NRXN2: variants seen among roughly 807,000 people sequenced by gnomAD.
NRXN2 encodes neurexin 2, also known as neurexin-2-beta.
Under a neutral mutation model 128.8 loss-of-function variants are expected in NRXN2, and 29 were observed. The ratio of observed to expected loss-of-function variants is 0.23; its 90% CI spans 0.17 to 0.31. The LOEUF is 0.31. NRXN2 is among the 10% of genes least tolerant of loss of function. The pLI, the probability that NRXN2 is intolerant of heterozygous loss-of-function variation, is 1.00. For missense variants in NRXN2, 1,881 were observed against 2,452.6 expected, an observed-to-expected ratio of 0.77 and a Z score of 4.92; for synonymous variants, 1,098 against 1,075.2, an observed-to-expected ratio of 1.02 and a Z score of -0.41.
chr11:64,637,925 G>A (rs1262540367), intron 17 of NRXN2, among the ~76,000 whole-genome samples: 1 of 152,216 alleles, frequency 6.6e-6, no homozygotes, highest in African/African-American at 2.4e-5. Flanking sequence ...TGAGGCAGGA[G>A]GGATCAGAGG....
chr11:64,715,543 G>T (rs1182663253), intron 1 of NRXN2, among the ~76,000 whole-genome samples: 5 of 152,206 alleles, frequency 3.3e-5, no homozygotes, highest in Non-Finnish European at 7.3e-5. Context: ...GGGGCGTCTG[G>T]AGAGTGACAC....
At chr11:64,608,956 G>A (rs528682816) in intron 22 of NRXN2, among the ~76,000 whole-genome samples, 4 of 152,074 alleles carry the variant, frequency 2.6e-5, no homozygotes, top group South Asian at 2.1e-4. Flanking sequence ...GGGAGGGGAC[G>A]GCCACGGGAG....
chr11:64,640,692 G>A (rs1215578148), intron 17 of NRXN2, among the ~76,000 whole-genome samples: 1 of 152,286 alleles, frequency 6.6e-6, no homozygotes, highest in South Asian at 2.1e-4. Context: ...CTGTATTCGG[G>A]ATGAGAGAAT....
intron 5 of NRXN2, among the ~76,000 whole-genome samples, chr11:64,689,745 T>C (rs2053564333): frequency 6.6e-6 from 1 of 152,166 alleles, no homozygotes; most frequent in African/African-American, 2.4e-5. Context: ...GGCTGCTTTT[T>C]CAAGAGTCAG....
intron 11 of NRXN2, among the ~76,000 whole-genome samples, chr11:64,659,129 C>T (rs564178908): frequency 4.5e-4 from 69 of 152,228 alleles, no homozygotes; most frequent in Non-Finnish European, 3.2e-4. Flanking sequence ...CAACAAGTGA[C>T]CCTGATGACC....
chr11:64,660,417 G>A lies in NRXN2; in HGVS notation c.2304C>T (p.Leu768=), dbSNP rs376292883. The change falls in exon 11 of 23, where the codon CTC becomes CTT. Residue 768 remains leucine, a synonymous_variant. Coordinates refer to ENST00000265459, the MANE Select transcript of NRXN2 (RefSeq NM_015080.4). This position sits in a 1 kb window ranked among gnomAD's most constrained non-coding sequence, Gnocchi z 5.2. ...ACTCCCTGGAAGTGGTGGCCATCATGAGTCCGTAGGCCCGCTGGGACATGA... is the reference window on the plus strand; with the variant it reads ...ACTCCCTGGAAGTGGTGGCCATCATAAGTCCGTAGGCCCGCTGGGACATGA... ...LRFMSQRAYG[L]MMATTSRESA... is the part of the protein sequence containing the mutation. 38 of 1,614,108 alleles carry A rather than the reference G, an allele frequency of 2.4e-5. No individual in the cohort carries two copies. In the African/African-American group the frequency reaches 4.3e-4, roughly 18 times the overall value.
intron 6 of NRXN2, among the ~76,000 whole-genome samples, chr11:64,678,888 T>C (rs941365013): frequency 9.9e-5 from 15 of 151,986 alleles, no homozygotes; most frequent in African/African-American, 3.6e-4. Flanking sequence ...AGTAAGATGA[T>C]GAATAAGGGC....
chr11:64,622,199 G>T lies in NRXN2; in HGVS notation c.4173+554C>A, dbSNP rs2042451337. On this transcript the variant is annotated intron_variant, in intron 21 of 22. Transcript: ENST00000265459. This position sits in a 1 kb window ranked among gnomAD's most constrained non-coding sequence, Gnocchi z 4.3. ...TGTGAAGGCAATGGACTTGCAGCCA[G>T]GGCTTTCCCACTGCAGGGACCCCAG... is the stretch of plus-strand genomic sequence containing the variant. Among the ~76,000 whole-genome samples the T allele has an allele frequency of 6.6e-6, 1 of 152,190 alleles. No homozygotes were observed. The highest frequency in any genetic ancestry group is 1.5e-5 in the Non-Finnish European group (1 of 68,032).
At chr11:64,699,979 A>T (rs1156383516) in intron 2 of NRXN2, among the ~76,000 whole-genome samples, 1 of 152,232 alleles carries the variant, frequency 6.6e-6, no homozygotes, top group Non-Finnish European at 1.5e-5. Flanking sequence ...TGCTATGCTC[A>T]GGAAGGTGAA....
intron 7 of NRXN2, among the ~76,000 whole-genome samples, chr11:64,673,954 C>T (rs1209797619): frequency 6.6e-6 from 1 of 150,422 alleles, no homozygotes; most frequent in African/African-American, 2.5e-5. Flanking sequence ...ATAAGAATTG[C>T]TTTAACCCTG....
chr11:64,627,918 T>TA (rs2043306478), intron 19 of NRXN2, among the ~76,000 whole-genome samples: 1 of 152,200 alleles, frequency 6.6e-6, no homozygotes, highest in Non-Finnish European at 1.5e-5. Context: ...CCTGCCTATG[T>TA]ACACCTCCCA....
intron 11 of NRXN2, chr11:64,659,670 T>G (rs149525754): frequency 2.0e-5 from 3 of 153,760 alleles, no homozygotes; most frequent in Non-Finnish European, 4.3e-5. Context: ...ATACATGAAT[T>G]TCATAATCTA....
At chr11:64,608,494 CTT>C (rs58638827) in intron 22 of NRXN2, among the ~76,000 whole-genome samples, 8,809 of 111,102 alleles carry the variant, frequency 0.079, 513 homozygotes, top group African/African-American at 0.25. Context: ...TCTTTTTTTG[CTT>C]TTTTTTTTTT....
chr11:64,618,182 T>G lies in NRXN2; in HGVS notation c.4252+2112A>C, dbSNP rs577784491. 4.6e-5 allele frequency among the ~76,000 whole-genome samples: 7 copies of G among 152,266 alleles called. No individual in the cohort carries two copies. In the South Asian group the frequency reaches 1.0e-3, roughly 23 times the overall value. On this transcript the variant is annotated intron_variant, in intron 22 of 22. Transcript: ENST00000265459. ...AGCCTAAAAGGGCTCAGACCACCAA[T>G]GCACCCATTCAGCATCAGACCCAGG... is the stretch of plus-strand genomic sequence containing the variant.
intron 7 of NRXN2, among the ~76,000 whole-genome samples, chr11:64,672,534 T>G (rs746410231): frequency 2.6e-5 from 4 of 152,066 alleles, no homozygotes; most frequent in African/African-American, 2.4e-5. Flanking sequence ...CTTGGGAGAT[T>G]CCAAGCCCCT....
Position 64,623,198 on chromosome 11 carries a change from G to A in NRXN2, c.3848-120C>T. 3 of 1,416,378 alleles carry A rather than the reference G, an allele frequency of 2.1e-6. No homozygotes were observed. The highest frequency in any genetic ancestry group is 1.4e-5 in the South Asian group (1 of 69,230). The allele number at this position is 1,416,378 out of a possible 1,614,324, so 87.7% of individuals were successfully genotyped here. On this transcript the variant is annotated intron_variant, in intron 20 of 22. Transcript: ENST00000265459. This position sits in a 1 kb window ranked among gnomAD's most constrained non-coding sequence, Gnocchi z 4.9. The stretch of plus-strand genomic sequence containing the variant: ...GAGGAATGGAGGAGAAAGCCAGTAA[G>A]GGAGGAGGGGACGGGGAGAAATGAG...
Position 64,667,216 on chromosome 11 carries a change from C to T in NRXN2, c.1798+34G>A, listed in dbSNP as rs1184592466. Reference sequence around the variant, plus strand: ...GTCAGGGCAGATGGAAAGGGGTGGCCCATGGAAGGGGAAGGGTCCAGAGGC... The same window carrying T: ...GTCAGGGCAGATGGAAAGGGGTGGCTCATGGAAGGGGAAGGGTCCAGAGGC... On this transcript the variant is annotated intron_variant, in intron 9 of 22. Coordinates refer to ENST00000265459, the MANE Select transcript of NRXN2 (RefSeq NM_015080.4). The surrounding 1 kb of genome is among the most constrained non-coding windows in gnomAD (Gnocchi z 5.6). The T allele has an allele frequency of 6.2e-7, 1 of 1,609,238 alleles. No homozygotes were observed. Among genetic ancestry groups the T allele is most frequent in the South Asian group, 1.1e-5 (1 of 90,946 alleles).
intron 1 of NRXN2, among the ~76,000 whole-genome samples, chr11:64,721,228 G>C (rs1479448217): frequency 6.6e-6 from 1 of 151,968 alleles, no homozygotes; most frequent in Non-Finnish European, 1.5e-5. Flanking sequence ...GCAAGGGTAA[G>C]CGGGAGGGAG....
At chr11:64,634,438 A>T (rs192544404) in intron 18 of NRXN2, among the ~76,000 whole-genome samples, 91 of 152,166 alleles carry the variant, frequency 6.0e-4, no homozygotes, top group African/African-American at 2.1e-3. Flanking sequence ...AAGGGCAGGG[A>T]AAGAAAAGGG....
Sources: gnomAD v4.1 joint callset for allele counts (sites outside exome capture counted in the v4.1 genomes callset) on GRCh38, gnomAD v4.1.1 for gene constraint, Gnocchi (gnomAD v3.1) non-coding constraint, MANE v1.5 for transcripts, NCBI Gene and HGNC (gene_info 2026-07-23, HGNC 2026-07-21) for gene names.